Variants in RAPGEFL1 observed in about 807,000 individuals in gnomAD.
RAPGEFL1 encodes rap guanine nucleotide exchange factor-like 1.
In RAPGEFL1, 31 loss-of-function variants were observed where a neutral mutation model predicts 64.4. The ratio of observed to expected loss-of-function variants is 0.48; its 90% CI spans 0.36 to 0.65. The LOEUF (loss-of-function observed/expected upper bound fraction) is 0.65. Ranked by LOEUF, RAPGEFL1 falls within the 30% of genes least tolerant of loss-of-function variation. RAPGEFL1 has a pLI of 0.00. For missense variants in RAPGEFL1, 682 were observed against 677.4 expected, an observed-to-expected ratio of 1.01 and a Z score of -0.08; for synonymous variants, 331 against 274.1, an observed-to-expected ratio of 1.21 and a Z score of -2.05.
In RAPGEFL1 at chr17:40,192,263, G is replaced by A. The variant is rs762671165; in HGVS notation, c.1656G>A (p.Thr552=). The A allele has an allele frequency of 1.9e-6, 3 of 1,613,686 alleles. No individual in the cohort carries two copies. Among genetic ancestry groups the A allele is most frequent in the South Asian group, 1.1e-5 (1 of 91,074 alleles). Residue 552 remains threonine (T), a splice_region_variant and synonymous_variant, in exon 11 of 15, where the codon ACG becomes ACA. Coordinates refer to ENST00000620260, the MANE Select transcript of RAPGEFL1 (RefSeq NM_016339.6). ...KNLFRKFENL[T]DPCRNHKSYR... ...TGTTTCGCAAATTTGAGAACCTGAC[G>A]GTGAGTGGGTTTGGCTCTTTCTTCT...
At position 40,191,365 on chromosome 17, in the gene RAPGEFL1, C is replaced by T. The variant is rs1990257286; in HGVS notation, c.1385C>T (p.Thr462Met). The T allele has an allele frequency of 6.3e-7, 1 of 1,595,724 alleles. No homozygotes were observed. The highest frequency in any genetic ancestry group is 8.5e-7 in the Non-Finnish European group (1 of 1,176,866). Residue 462 changes from threonine to methionine, a missense_variant, in exon 9 of 15, where the codon ACG becomes ATG. Coordinates refer to ENST00000620260, the MANE Select transcript of RAPGEFL1 (RefSeq NM_016339.6). The surrounding 1 kb of genome is among the most constrained non-coding windows in gnomAD (Gnocchi z 5.1). ...CACGGGGAGCGCGGCCGCCGGGAGA[C>T]GGCCAACTTGGAGCTGCTGCTGCAG... Reference protein sequence around the residue: ...VFHGERGRRETANLELLLQRC... With the variant: ...VFHGERGRREMANLELLLQRC...
rs1990271977 is a variant in RAPGEFL1, at chr17:40,191,573, C to T, written c.1515-9C>T. 1.2e-6 allele frequency: 2 copies of T among 1,601,232 alleles called. No homozygotes were observed. Among genetic ancestry groups the T allele is most frequent in the Non-Finnish European group, 1.7e-6 (2 of 1,175,168 alleles). ...CGCCCGCCCCTGACCCCGCCTCCCA[C>T]CCCCGCAGCTGCAAGCAGAACCAGG... On this transcript the variant is annotated splice_polypyrimidine_tract_variant and intron_variant, in intron 9 of 14. Coordinates refer to ENST00000620260, the MANE Select transcript of RAPGEFL1 (RefSeq NM_016339.6). The surrounding 1 kb of genome is among the most constrained non-coding windows in gnomAD (Gnocchi z 5.1).
At chr17:40,179,336 G>A (rs1567690133) in intron 1 of RAPGEFL1, among the ~76,000 whole-genome samples, 2 of 152,142 alleles carry the variant, frequency 1.3e-5, no homozygotes, top group African/African-American at 4.8e-5. Flanking sequence ...AAAGTGCTGG[G>A]ATTACAGGCG....
In RAPGEFL1 at chr17:40,193,841, C is replaced by G; in HGVS notation, c.*53C>G. ...GATCCTTGGGCACCTGGCACTCAAG[C>G]ACTTTGCACGATGTCTCAACCAACA... On this transcript the variant is annotated 3_prime_UTR_variant, in exon 15 of 15. Transcript: ENST00000620260. 1.2e-6 allele frequency: 2 copies of G among 1,610,380 alleles called. No homozygotes were observed. The highest frequency in any genetic ancestry group is 1.7e-6 in the Non-Finnish European group (2 of 1,177,906).
At chr17:40,177,356 G>C, upstream of RAPGEFL1, 1 of 702,024 alleles carries the variant, frequency 1.4e-6, no homozygotes, top group Non-Finnish European at 2.6e-6. Context: ...TTTCCCTCGC[G>C]GTCAACCCCA....
intron 2 of RAPGEFL1, among the ~76,000 whole-genome samples, chr17:40,182,171 A>C (rs992948886): frequency 9.9e-5 from 15 of 152,212 alleles, no homozygotes; most frequent in African/African-American, 3.6e-4. Flanking sequence ...ACCTAACCTC[A>C]TGGGGACTCA....
chr17:40,191,546 G>A lies in RAPGEFL1; in HGVS notation c.1515-36G>A, dbSNP rs758250129. ...GGGCCGGAGGCCGGAGGCCCGCGCCGCCGCCCGCCCCTGACCCCGCCTCCC... is the reference window on the plus strand; with the variant it reads ...GGGCCGGAGGCCGGAGGCCCGCGCCACCGCCCGCCCCTGACCCCGCCTCCC... On this transcript the variant is annotated intron_variant, in intron 9 of 14. Coordinates refer to ENST00000620260, the MANE Select transcript of RAPGEFL1 (RefSeq NM_016339.6). This position sits in a 1 kb window ranked among gnomAD's most constrained non-coding sequence, Gnocchi z 5.1. 4 of 1,555,320 alleles carry A rather than the reference G, an allele frequency of 2.6e-6. No homozygotes were observed. Among genetic ancestry groups the A allele is most frequent in the Admixed American group, 3.9e-5 (2 of 50,986 alleles).
Position 40,190,652 on chromosome 17 carries a change from G to A in RAPGEFL1, c.1225G>A (p.Glu409Lys), listed in dbSNP as rs1990227789. 9 of 1,613,946 alleles carry A rather than the reference G, an allele frequency of 5.6e-6. No individual in the cohort carries two copies. Among genetic ancestry groups the A allele is most frequent in the South Asian group, 2.2e-5 (2 of 91,082 alleles). ...TGCCTGCCACCAGGTGCCCCTCCCC[G>A]AGGAGATCCAGGTCTCCCCTGGAGA... ...DSYEALVPLP[E>K]EIQVSPGDTE... Residue 409 changes from glutamate (E) to lysine (K), a missense_variant, in exon 8 of 15, where the codon GAG becomes AAG. This residue lies in a region of RAPGEFL1 where 411 missense variants were observed against 519.4 expected (regional missense o/e 0.79). Transcript: ENST00000620260.
chr17:40,177,443 G>A (rs1193213234), upstream of RAPGEFL1: 5 of 655,864 alleles, frequency 7.6e-6, no homozygotes, highest in Non-Finnish European at 1.4e-5. Flanking sequence ...GGGGACTGGA[G>A]GAGGGGGCGC....
chr17:40,189,741 T>G (rs533185887), intron 6 of RAPGEFL1, among the ~76,000 whole-genome samples: 1 of 152,346 alleles, frequency 6.6e-6, no homozygotes, highest in East Asian at 1.9e-4. Context: ...CTGCTGGTCT[T>G]GTTCAAATCA....
intron 8 of RAPGEFL1, 92 bp downstream of exon 8, chr17:40,190,854 GGCTCACTTGCAGCA>G: frequency 6.4e-7 from 1 of 1,551,116 alleles, no homozygotes; most frequent in African/African-American, 1.4e-5. Context: ...CTGGTTCCAA[GGCTCACTTGCAGCA>G]AGCCCTTGGG....
intron 6 of RAPGEFL1, 56 bp from the exon 7 acceptor site, chr17:40,190,378 G>T (rs1214595988): frequency 6.1e-6 from 9 of 1,470,490 alleles, no homozygotes; most frequent in Non-Finnish European, 8.6e-6. Flanking sequence ...GTCAGTGTGG[G>T]ATGTGTGAGG....
intron 6 of RAPGEFL1, among the ~76,000 whole-genome samples, chr17:40,189,838 C>T (rs1410380710): frequency 6.6e-6 from 1 of 152,126 alleles, no homozygotes; most frequent in African/African-American, 2.4e-5. Context: ...CACCTGTAAT[C>T]CCAGCTACTT....
chr17:40,190,581 T>C, intron 7 of RAPGEFL1, 50 bp downstream of exon 7: 1 of 1,613,952 alleles, frequency 6.2e-7, no homozygotes, highest in Non-Finnish European at 8.5e-7. Flanking sequence ...AGGAGGGCTG[T>C]GAGCAATCCC....
chr17:40,190,643 C>G lies in RAPGEFL1; in HGVS notation c.1216C>G (p.Pro406Ala). 1 of 1,614,058 alleles carries G rather than the reference C, an allele frequency of 6.2e-7. No homozygotes were observed. The highest frequency in any genetic ancestry group is 8.5e-7 in the Non-Finnish European group (1 of 1,179,950). The change falls in exon 8 of 15, where the codon CCC becomes GCC. Residue 406 changes from proline (P) to alanine (A), a missense_variant. Pro to Ala is a conservative substitution (Grantham distance 27). This residue lies in a region of RAPGEFL1 where 411 missense variants were observed against 519.4 expected (regional missense o/e 0.79). Transcript: ENST00000620260. ...CTRDSYEALV[P>A]LPEEIQVSPG... The stretch of plus-strand genomic sequence containing the variant: ...CTATGCCCCTGCCTGCCACCAGGTG[C>G]CCCTCCCCGAGGAGATCCAGGTCTC...
chr17:40,190,168 A>ATT (rs984953730), intron 6 of RAPGEFL1, among the ~76,000 whole-genome samples: 11 of 152,220 alleles, frequency 7.2e-5, no homozygotes, highest in Non-Finnish European at 1.6e-4. Flanking sequence ...GTAGGAAAAA[A>ATT]TTTCAGCCTT....
intron 11 of RAPGEFL1, among the ~76,000 whole-genome samples, 161 bp downstream of exon 11, chr17:40,192,424 CCT>C (rs1355856423): frequency 7.2e-5 from 11 of 152,036 alleles, no homozygotes; most frequent in African/African-American, 2.4e-4. Flanking sequence ...GGATTGCGCC[CCT>C]GTTTTTCTTG....
intron 4 of RAPGEFL1, among the ~76,000 whole-genome samples, chr17:40,187,232 C>G (rs777747526): frequency 1.3e-5 from 2 of 152,106 alleles, no homozygotes; most frequent in Non-Finnish European, 2.9e-5. Context: ...CTCTTGTGAG[C>G]CAGTGTGAAC....
At chr17:40,189,168 T>C in intron 5 of RAPGEFL1, 40 bp from the exon 6 acceptor site, 1 of 1,601,442 alleles carries the variant, frequency 6.2e-7, no homozygotes, top group Non-Finnish European at 8.6e-7. Context: ...CTGCTGCCAC[T>C]CTGCCCTCTG....
Sources: gnomAD v4.1 joint callset for allele counts (sites outside exome capture counted in the v4.1 genomes callset) on GRCh38, gnomAD v4.1.1 for gene constraint, gnomAD v4.1.1 regional missense constraint, Gnocchi (gnomAD v3.1) non-coding constraint, MANE v1.5 for transcripts, NCBI Gene and HGNC (gene_info 2026-07-23, HGNC 2026-07-21) for gene names.